The following GRID1 variants were observed in gnomAD, a reference collection of about 807,000 sequenced individuals.
GRID1 encodes the protein glutamate ionotropic receptor delta type subunit 1, also known as glutamate receptor ionotropic, delta-1.
A neutral mutation model predicts 98.0 loss-of-function variants in GRID1; 28 were observed. The ratio of observed to expected loss-of-function variants is 0.29; its 90% CI spans 0.21 to 0.39. The LOEUF (loss-of-function observed/expected upper bound fraction) is 0.39, where lower values mean the gene tolerates loss of function less well. Ranked by LOEUF, GRID1 falls within the 10% of genes least tolerant of loss-of-function variation. GRID1 has a pLI of 1.00. For missense variants in GRID1, 1,111 were observed against 1,340.5 expected (o/e 0.83, Z 2.67); for synonymous variants, 553 against 538.5 (o/e 1.03, Z -0.37).
At chr10:86,228,771 G>C (rs1239330821) in intron 2 of GRID1, among the ~76,000 whole-genome samples, 1 of 152,158 alleles carries the variant, frequency 6.6e-6, no homozygotes, top group Non-Finnish European at 1.5e-5. Context: ...CACCCCTCAG[G>C]AAGTGGATGT....
In GRID1 at chr10:86,337,698, C is replaced by CTTTTT. The variant is rs57891044; in HGVS notation, c.235+26238_235+26242dup. On this transcript the variant is annotated intron_variant, in intron 2 of 15. Coordinates refer to ENST00000327946, the MANE Select transcript of GRID1 (RefSeq NM_017551.3). Reference sequence around the variant, plus strand: ...ACAGCCTTTCTCTTCCCTTTGGGAACTTTTTTTTTTTTTTTTTTTTTTTTT... The same window carrying CTTTTT: ...ACAGCCTTTCTCTTCCCTTTGGGAACTTTTTTTTTTTTTTTTTTTTTTTTTTTTTT... 7.2e-3 allele frequency among the ~76,000 whole-genome samples: 526 copies of CTTTTT among 73,338 alleles called. 84 individuals carry two copies. Among genetic ancestry groups the CTTTTT allele is most frequent in the African/African-American group, 0.029 (499 of 17,196 alleles). 48.1% of individuals were successfully genotyped at this position (73,338 alleles called of 152,430 possible).
chr10:86,142,526 C>T (rs1441446275), intron 3 of GRID1, among the ~76,000 whole-genome samples: 1 of 152,228 alleles, frequency 6.6e-6, no homozygotes, highest in Non-Finnish European at 1.5e-5. Flanking sequence ...TGCCCATGGC[C>T]TTGACTGTGA....
intron 8 of GRID1, among the ~76,000 whole-genome samples, chr10:85,816,929 C>T (rs1842721483): frequency 6.6e-6 from 1 of 152,186 alleles, no homozygotes; most frequent in Non-Finnish European, 1.5e-5. Flanking sequence ...CATTGTTTAG[C>T]TCCCACTTAT....
chr10:86,105,377 C>A (rs1331463794), intron 4 of GRID1, among the ~76,000 whole-genome samples: 4 of 152,140 alleles, frequency 2.6e-5, no homozygotes, highest in Non-Finnish European at 4.4e-5. Context: ...AGTTGTGGAG[C>A]ACAGAGCCGG....
chr10:86,019,370 G>GCCT (rs781171983), intron 4 of GRID1, among the ~76,000 whole-genome samples: 14 of 152,212 alleles, frequency 9.2e-5, no homozygotes, highest in Non-Finnish European at 8.8e-5. Flanking sequence ...ACCGCATAAT[G>GCCT]CCTCAGCCAC....
In GRID1 at chr10:86,055,503, G is replaced by A. The variant is rs139617556; in HGVS notation, c.726+83316C>T. Among the ~76,000 whole-genome samples, 331 of 152,234 alleles carry A rather than the reference G, an allele frequency of 2.2e-3. 1 individual carries two copies. Among genetic ancestry groups the A allele is most frequent in the African/African-American group, 7.7e-3 (320 of 41,556 alleles). ...GACCCCTGTAATCCTAGCACTTTGG[G>A]AGGCTGAGGCAGGTGGACCACTTGA... On this transcript the variant is annotated intron_variant, in intron 4 of 15. Coordinates refer to ENST00000327946, the MANE Select transcript of GRID1 (RefSeq NM_017551.3).
At chr10:85,766,802 T>G (rs957770888) in intron 8 of GRID1, among the ~76,000 whole-genome samples, 4 of 152,010 alleles carry the variant, frequency 2.6e-5, no homozygotes, top group Admixed American at 6.6e-5. Context: ...AGGTTTTTCA[T>G]GTTTTTTAGT....
chr10:85,816,477 T>C lies in GRID1; in HGVS notation c.1233+38019A>G, dbSNP rs184089052. 1.3e-3 allele frequency among the ~76,000 whole-genome samples: 197 copies of C among 152,238 alleles called. 2 individuals carry two copies. Among genetic ancestry groups the C allele is most frequent in the Middle Eastern group, 6.8e-3 (2 of 294 alleles). On this transcript the variant is annotated intron_variant, in intron 8 of 15. Coordinates refer to ENST00000327946, the MANE Select transcript of GRID1 (RefSeq NM_017551.3). Reference sequence around the variant, plus strand: ...ATAAAATTCTTGTAAAGTCAACCTATAGAGACAAAAATTTGACTAGTGGTT... The same window carrying C: ...ATAAAATTCTTGTAAAGTCAACCTACAGAGACAAAAATTTGACTAGTGGTT...
At chr10:85,688,328 ATAACT>A (rs1307999832) in intron 12 of GRID1, among the ~76,000 whole-genome samples, 1 of 152,192 alleles carries the variant, frequency 6.6e-6, no homozygotes, top group Non-Finnish European at 1.5e-5. Context: ...CTGCTGGGAA[ATAACT>A]TGATTAGTCA....
At chr10:85,943,236 C>G (rs1842017209) in intron 4 of GRID1, among the ~76,000 whole-genome samples, 1 of 151,982 alleles carries the variant, frequency 6.6e-6, no homozygotes, top group Non-Finnish European at 1.5e-5. Context: ...ACAGAAATAA[C>G]ATTTGAGTTC....
At chr10:85,705,313 G>C (rs1195398183) in intron 12 of GRID1, among the ~76,000 whole-genome samples, 1 of 152,122 alleles carries the variant, frequency 6.6e-6, no homozygotes, top group South Asian at 2.1e-4. Flanking sequence ...ACTACCATCA[G>C]AGAATACTAT....
At chr10:85,998,210 C>G (rs1842763347) in intron 4 of GRID1, among the ~76,000 whole-genome samples, 1 of 151,910 alleles carries the variant, frequency 6.6e-6, no homozygotes, top group African/African-American at 2.4e-5. Context: ...TTATCAAGAG[C>G]CCACGAAACG....
intron 4 of GRID1, among the ~76,000 whole-genome samples, chr10:86,112,165 G>A (rs1844497942): frequency 6.6e-6 from 1 of 152,114 alleles, no homozygotes; most frequent in Admixed American, 6.5e-5. Context: ...TAGGGACAGG[G>A]GACACAGTGC....
At chr10:86,165,678 T>C (rs1845388736) in intron 3 of GRID1, among the ~76,000 whole-genome samples, 1 of 152,142 alleles carries the variant, frequency 6.6e-6, no homozygotes, top group South Asian at 2.1e-4. Flanking sequence ...TTAGAATTCT[T>C]GGAGTTGAGA....
chr10:85,786,112 AT>A (rs1265913368), intron 8 of GRID1, among the ~76,000 whole-genome samples: 2 of 152,180 alleles, frequency 1.3e-5, no homozygotes, highest in African/African-American at 2.4e-5. Flanking sequence ...TATAAAATGA[AT>A]TTTTTTCATG....
chr10:86,156,631 T>A (rs1845249768), intron 3 of GRID1, among the ~76,000 whole-genome samples: 1 of 152,172 alleles, frequency 6.6e-6, no homozygotes, highest in Non-Finnish European at 1.5e-5. Flanking sequence ...TGAGTTTCTG[T>A]CACCCATTGC....
intron 4 of GRID1, among the ~76,000 whole-genome samples, chr10:85,996,768 G>T (rs191621422): frequency 6.6e-6 from 1 of 150,776 alleles, no homozygotes; most frequent in African/African-American, 2.4e-5. Context: ...GGTAGAGGTT[G>T]CAGTGAGCTG....
intron 2 of GRID1, among the ~76,000 whole-genome samples, chr10:86,304,852 A>G (rs571721474): frequency 5.9e-5 from 9 of 152,188 alleles, no homozygotes; most frequent in African/African-American, 1.9e-4. Context: ...GGGTGTTCTC[A>G]GCCCTGAGCC....
intron 12 of GRID1, among the ~76,000 whole-genome samples, chr10:85,654,987 C>T (rs748280461): frequency 2.6e-5 from 4 of 152,184 alleles, no homozygotes; most frequent in Non-Finnish European, 4.4e-5. Flanking sequence ...AACTGTGGGC[C>T]AGGTGCTAAG....
Sources: gnomAD v4.1 joint callset for allele counts (sites outside exome capture counted in the v4.1 genomes callset) on GRCh38, gnomAD v4.1.1 for gene constraint, MANE v1.5 for transcripts, NCBI Gene and HGNC (gene_info 2026-07-23, HGNC 2026-07-21) for gene names.